The following HPSE2 variants were observed in gnomAD, a reference collection of about 807,000 sequenced individuals.
The protein encoded by HPSE2 is inactive heparanase-2.
A neutral mutation model predicts 60.5 loss-of-function variants in HPSE2; 38 were observed. The observed-to-expected ratio is 0.63, with a 90% CI of 0.48 to 0.82. HPSE2 has a LOEUF of 0.82. Ranked by LOEUF, HPSE2 falls within the 40% of genes least tolerant of loss-of-function variation. The pLI is 0.00. For missense variants in HPSE2, 713 were observed against 740.4 expected, an observed-to-expected ratio of 0.96 and a Z score of 0.43; for synonymous variants, 295 against 293.2, an observed-to-expected ratio of 1.01 and a Z score of -0.06.
the HPSE2 span, among the ~76,000 whole-genome samples, chr10:99,280,803 T>A: frequency 2.0e-5 from 3 of 152,322 alleles, no homozygotes; most frequent in East Asian, 5.8e-4. Flanking sequence ...TCCATTTAAT[T>A]GTTCTGTGAC....
intron 6 of HPSE2, among the ~76,000 whole-genome samples, chr10:98,648,785 A>G (rs557001781): frequency 6.6e-6 from 1 of 152,328 alleles, no homozygotes; most frequent in East Asian, 1.9e-4. Flanking sequence ...AACACATAAT[A>G]GATACAAAAG....
intron 3 of HPSE2, among the ~76,000 whole-genome samples, chr10:99,062,968 C>T (rs1475634705): frequency 6.6e-6 from 1 of 152,146 alleles, no homozygotes; most frequent in East Asian, 1.9e-4. Context: ...CTTCTTTGTT[C>T]TGTGGCTCCC....
intron 9 of HPSE2, among the ~76,000 whole-genome samples, chr10:98,574,612 T>A (rs605113): frequency 6.6e-6 from 1 of 151,982 alleles, no homozygotes; most frequent in African/African-American, 2.4e-5. Flanking sequence ...GTCTACCCAA[T>A]ATGCAGAAAA....
At chr10:98,964,437 A>C (rs909803264) in intron 3 of HPSE2, among the ~76,000 whole-genome samples, 1 of 152,168 alleles carries the variant, frequency 6.6e-6, no homozygotes, top group Non-Finnish European at 1.5e-5. Flanking sequence ...TTTAGAATCC[A>C]TATTATCTGC....
At chr10:98,609,560 A>G (rs1472316895) in intron 9 of HPSE2, among the ~76,000 whole-genome samples, 1 of 152,230 alleles carries the variant, frequency 6.6e-6, no homozygotes, top group East Asian at 1.9e-4. Context: ...CACTTTTAAC[A>G]TTTAGATGTA....
chr10:98,525,302 C>T lies in HPSE2; in HGVS notation c.1321-35106G>A, dbSNP rs147645409. On this transcript the variant is annotated intron_variant, in intron 9 of 11. Transcript: ENST00000370552. ...CTGGGATTACAGGCATGAGCCACTGCGCTGGGCCTAACGGCACTTTTAAAA... is the reference window on the plus strand; with the variant it reads ...CTGGGATTACAGGCATGAGCCACTGTGCTGGGCCTAACGGCACTTTTAAAA... Among the ~76,000 whole-genome samples the T allele has an allele frequency of 2.2e-3, 336 of 152,010 alleles. 1 individual carries two copies. The highest frequency in any genetic ancestry group is 7.6e-3 in the African/African-American group (314 of 41,276).
chr10:99,152,292 C>T (rs1016352269), intron 2 of HPSE2, among the ~76,000 whole-genome samples: 1 of 135,096 alleles, frequency 7.4e-6, no homozygotes, highest in Non-Finnish European at 1.5e-5. Context: ...GCCTGGACAA[C>T]AGAGCGAGAC....
rs1453542831 is a variant in HPSE2, at chr10:99,232,623, T to TAGA, written c.291-119_291-118insTCT. 102 of 1,175,776 alleles carry TAGA rather than the reference T, an allele frequency of 8.7e-5. No homozygotes were observed. The African/African-American group carries it at 1.4e-3, about 17-fold the overall frequency. 72.8% of individuals were successfully genotyped at this position (1,175,776 alleles called of 1,614,324 possible). ...GCGACCTGGCCGGGGCTAGAGGCTC[T>TAGA]GTGCCTGCCCCAGCCGGCAGTCCAC... On this transcript the variant is annotated intron_variant, in intron 1 of 11. Transcript: ENST00000370552.
chr10:99,105,686 A>C (rs1844217680), intron 3 of HPSE2, among the ~76,000 whole-genome samples: 1 of 151,898 alleles, frequency 6.6e-6, no homozygotes, highest in South Asian at 2.1e-4. Flanking sequence ...TATGTCTAAG[A>C]ACTCTTTGCC....
intron 3 of HPSE2, among the ~76,000 whole-genome samples, chr10:99,019,549 T>C (rs1161297020): frequency 6.6e-6 from 1 of 152,188 alleles, no homozygotes; most frequent in Non-Finnish European, 1.5e-5. Context: ...AGTACATACA[T>C]GTATATACCT....
At chr10:99,049,596 G>C (rs1483567294) in intron 3 of HPSE2, among the ~76,000 whole-genome samples, 4 of 151,868 alleles carry the variant, frequency 2.6e-5, no homozygotes, top group Admixed American at 1.3e-4. Context: ...AGAGAACAGA[G>C]GGCAGTAGAC....
rs555415655 is a variant in HPSE2, at chr10:99,074,744, C to A, written c.610+69494G>T. ...TCAATCTCTTTACTCATTATTGGCC[C>A]GTCCAGATTTTCTAATCCTTCATGA... is the stretch of plus-strand genomic sequence containing the variant. On this transcript the variant is annotated intron_variant, in intron 3 of 11. Coordinates refer to ENST00000370552, the MANE Select transcript of HPSE2 (RefSeq NM_021828.5). 3.4e-4 allele frequency among the ~76,000 whole-genome samples: 52 copies of A among 152,082 alleles called. 2 individuals carry two copies. The South Asian group carries it at 0.01, about 30-fold the overall frequency.
intron 3 of HPSE2, among the ~76,000 whole-genome samples, chr10:99,127,207 C>T (rs1845196483): frequency 6.6e-6 from 1 of 151,720 alleles, no homozygotes; most frequent in Non-Finnish European, 1.5e-5. Context: ...CAAGGAGATA[C>T]CAGAGAAATG....
intron 2 of HPSE2, among the ~76,000 whole-genome samples, chr10:99,165,463 C>T (rs1847038609): frequency 6.6e-6 from 1 of 152,092 alleles, no homozygotes; most frequent in Non-Finnish European, 1.5e-5. Context: ...AATGTGAAGA[C>T]AGTAAAATTC....
At position 98,490,792 on chromosome 10, in the gene HPSE2, A is replaced by G. The variant is rs17109996; in HGVS notation, c.1321-596T>C. On this transcript the variant is annotated intron_variant, in intron 9 of 11. Transcript: ENST00000370552. ...CGGTGCTAATTCTTGGTTATCCTCA[A>G]CAGTTTGACAATAAAAAGTGTAATT... is the stretch of plus-strand genomic sequence containing the variant. Among the ~76,000 whole-genome samples the G allele has an allele frequency of 5.0e-3, 757 of 152,326 alleles. 8 individuals carry two copies. The highest frequency in any genetic ancestry group is 0.017 in the African/African-American group (711 of 41,568).
At chr10:98,723,172 G>A (rs1375986441) in intron 4 of HPSE2, among the ~76,000 whole-genome samples, 1 of 152,178 alleles carries the variant, frequency 6.6e-6, no homozygotes, top group African/African-American at 2.4e-5. Context: ...TTTTTAGCAT[G>A]AAGGTGGTTG....
intron 6 of HPSE2, among the ~76,000 whole-genome samples, chr10:98,660,495 A>G (rs1410765520): frequency 6.6e-6 from 1 of 152,164 alleles, no homozygotes; most frequent in African/African-American, 2.4e-5. Context: ...AAAATTAGCC[A>G]CTATTAAAAA....
intron 11 of HPSE2, among the ~76,000 whole-genome samples, chr10:98,481,029 C>A (rs978399028): frequency 6.6e-6 from 1 of 152,278 alleles, no homozygotes; most frequent in Non-Finnish European, 1.5e-5. Context: ...GGATGGACAC[C>A]TTGGCTTGTT....
At chr10:99,164,214 A>T (rs2133779055) in intron 2 of HPSE2, among the ~76,000 whole-genome samples, 1 of 119,700 alleles carries the variant, frequency 8.4e-6, no homozygotes, top group East Asian at 2.4e-4. Context: ...CCACTCATTT[A>T]TTTATTCAAG....
Sources: allele counts gnomAD v4.1 joint callset (sites outside exome capture counted in the v4.1 genomes callset), GRCh38; gene constraint gnomAD v4.1.1; transcripts MANE v1.5; gene names NCBI Gene and HGNC (gene_info 2026-07-23, HGNC 2026-07-21).